Variants in GALNT10 observed in about 807,000 individuals in gnomAD.
GALNT10 encodes GalNAc transferase 10.
In GALNT10, 41 loss-of-function variants were observed where a neutral mutation model predicts 75.0. The ratio of observed to expected loss-of-function variants is 0.55; its 90% confidence interval spans 0.43 to 0.71. GALNT10 has a LOEUF of 0.71. Among genes scored for constraint, GALNT10 ranks in the 30% least tolerant of loss-of-function variants. GALNT10 has a pLI of 0.00. For missense variants in GALNT10, 727 were observed against 818.5 expected (o/e 0.89, Z 1.36); for synonymous variants, 302 against 313.0 (o/e 0.96, Z 0.37).
At position 154,409,542 on chromosome 5, in the gene GALNT10, A is replaced by C. The variant is rs1756351233; in HGVS notation, c.1166A>C (p.Asn389Thr). The change falls in exon 9 of 12, where the codon AAC becomes ACC. Residue 389 changes from asparagine to threonine, a missense_variant and splice_region_variant. Asn to Thr is a moderately conservative substitution (Grantham distance 65). Coordinates refer to ENST00000297107, the MANE Select transcript of GALNT10 (RefSeq NM_198321.4). The surrounding 1 kb of genome is among the most constrained non-coding windows in gnomAD (Gnocchi z 4.5). ...KVPAGVSLARNLKRVAEVWMD... is the reference protein window; with the variant it reads ...KVPAGVSLARTLKRVAEVWMD... ...CCTCCATTGCTTCTTGCCCCATAGA[A>C]CCTTAAGCGGGTGGCCGAAGTGTGG... 6.2e-7 allele frequency: 1 copy of C among 1,608,708 alleles called. No homozygotes were observed. The highest frequency in any genetic ancestry group is 8.5e-7 in the Non-Finnish European group (1 of 1,175,194).
chr5:154,367,628 G>A (rs1242194297), intron 4 of GALNT10, among the ~76,000 whole-genome samples: 1 of 152,168 alleles, frequency 6.6e-6, no homozygotes, highest in Non-Finnish European at 1.5e-5. Context: ...GCCGAGGTGG[G>A]CGGATCATGA....
intron 3 of GALNT10, among the ~76,000 whole-genome samples, chr5:154,327,679 C>A (rs1561662072): frequency 2.0e-5 from 3 of 152,212 alleles, no homozygotes; most frequent in African/African-American, 7.2e-5. Context: ...CTTACCCTGC[C>A]TTTCCTATAC....
At chr5:154,201,799 C>T (rs1775031905) in intron 1 of GALNT10, among the ~76,000 whole-genome samples, 1 of 152,096 alleles carries the variant, frequency 6.6e-6, no homozygotes, top group African/African-American at 2.4e-5. Context: ...TGTAGTGGCG[C>T]ACTCCTGTAA....
At chr5:154,316,947 G>T (rs1200690704) in intron 3 of GALNT10, among the ~76,000 whole-genome samples, 3 of 152,158 alleles carry the variant, frequency 2.0e-5, no homozygotes, top group East Asian at 1.9e-4. Context: ...GCTGTGAGTT[G>T]TCCTCCACAT....
rs1226347674 is a variant in GALNT10 at position 154,409,527 on chromosome 5, T to A, written c.1165-14T>A. 5.7e-6 allele frequency: 9 copies of A among 1,581,414 alleles called. No individual in the cohort carries two copies. ...TTGGAAAGACTGACCCCTCCATTGCTTCTTGCCCCATAGAACCTTAAGCGG... is the reference window on the plus strand; with the variant it reads ...TTGGAAAGACTGACCCCTCCATTGCATCTTGCCCCATAGAACCTTAAGCGG... On this transcript the variant is annotated splice_polypyrimidine_tract_variant and intron_variant, in intron 8 of 11. Coordinates refer to ENST00000297107, the MANE Select transcript of GALNT10 (RefSeq NM_198321.4). The surrounding 1 kb of genome is among the most constrained non-coding windows in gnomAD (Gnocchi z 4.5).
chr5:154,270,580 C>T (rs771864455), intron 1 of GALNT10, among the ~76,000 whole-genome samples: 1 of 152,228 alleles, frequency 6.6e-6, no homozygotes, highest in Non-Finnish European at 1.5e-5. Context: ...CGTTACAAAA[C>T]GCTTTCCTAT....
chr5:154,236,868 C>T (rs1286651697), intron 1 of GALNT10, among the ~76,000 whole-genome samples: 1 of 152,186 alleles, frequency 6.6e-6, no homozygotes, highest in Non-Finnish European at 1.5e-5. Context: ...AGCCAGGCTG[C>T]GCTGTGCCCT....
chr5:154,353,370 C>T (rs78647417), intron 4 of GALNT10, among the ~76,000 whole-genome samples: 3,165 of 152,294 alleles, frequency 0.021, 117 homozygotes, highest in African/African-American at 0.073. Flanking sequence ...AAGCTTCTCA[C>T]AGGGGAAACA....
At chr5:154,293,614 T>TATATATATA (rs60780135) in intron 1 of GALNT10, among the ~76,000 whole-genome samples, 2 of 106,408 alleles carry the variant, frequency 1.9e-5, no homozygotes, top group African/African-American at 8.3e-5. Flanking sequence ...TATATATATA[T>TATATATATA]TTTTTTTTTC....
intron 1 of GALNT10, among the ~76,000 whole-genome samples, chr5:154,273,449 G>C (rs1753901138): frequency 6.6e-6 from 1 of 152,188 alleles, no homozygotes; most frequent in South Asian, 2.1e-4. Context: ...ACTGGGGAGA[G>C]AGTTTGCAAT....
At chr5:154,345,489 C>T (rs1371136599) in intron 4 of GALNT10, among the ~76,000 whole-genome samples, 1 of 152,118 alleles carries the variant, frequency 6.6e-6, no homozygotes, top group Non-Finnish European at 1.5e-5. Context: ...CCATTCTGCT[C>T]TGTAACTATG....
intron 1 of GALNT10, among the ~76,000 whole-genome samples, chr5:154,235,089 A>G (rs1753224592): frequency 1.3e-5 from 2 of 152,230 alleles, no homozygotes; most frequent in South Asian, 2.1e-4. Flanking sequence ...CCCAAAGGAA[A>G]GAAATCTGTG....
chr5:154,390,018 A>G (rs754690526), intron 7 of GALNT10, among the ~76,000 whole-genome samples: 15 of 152,218 alleles, frequency 9.9e-5, no homozygotes, highest in Non-Finnish European at 2.1e-4. Context: ...TGATACAACT[A>G]CAACTAAAAA....
At chr5:154,204,561 C>T (rs1443678488) in intron 1 of GALNT10, among the ~76,000 whole-genome samples, 2 of 152,224 alleles carry the variant, frequency 1.3e-5, no homozygotes, top group Non-Finnish European at 2.9e-5. Context: ...GTGTCTCCTC[C>T]TCTCAGTCAC....
chr5:154,274,800 G>T (rs1753924848), intron 1 of GALNT10, among the ~76,000 whole-genome samples: 1 of 152,166 alleles, frequency 6.6e-6, no homozygotes, highest in African/African-American at 2.4e-5. Flanking sequence ...TTTTCCAGCT[G>T]CTCTTTGAAA....
At chr5:154,313,208 G>C (rs1057154650) in intron 3 of GALNT10, among the ~76,000 whole-genome samples, 1 of 151,846 alleles carries the variant, frequency 6.6e-6, no homozygotes, top group Admixed American at 6.6e-5. Flanking sequence ...TACTTAGGAA[G>C]CTGAGGCAGG....
chr5:154,197,717 A>C (rs1196186223), intron 1 of GALNT10, among the ~76,000 whole-genome samples: 1 of 152,196 alleles, frequency 6.6e-6, no homozygotes, highest in Non-Finnish European at 1.5e-5. Context: ...TGAGGTTGAT[A>C]ATGTTAATAG....
At chr5:154,231,094 C>T (rs943291781) in intron 1 of GALNT10, among the ~76,000 whole-genome samples, 4 of 152,150 alleles carry the variant, frequency 2.6e-5, no homozygotes, top group African/African-American at 9.7e-5. Context: ...GAGAAATAGG[C>T]TAGAGCTGTG....
intron 1 of GALNT10, among the ~76,000 whole-genome samples, chr5:154,275,365 G>A (rs551406939): frequency 6.6e-6 from 1 of 152,156 alleles, no homozygotes; most frequent in Non-Finnish European, 1.5e-5. Flanking sequence ...GTTTGATATT[G>A]CCATGACAGC....
Sources: gnomAD v4.1 joint callset for allele counts (sites outside exome capture counted in the v4.1 genomes callset) on GRCh38, gnomAD v4.1.1 for gene constraint, Gnocchi (gnomAD v3.1) non-coding constraint, MANE v1.5 for transcripts, NCBI Gene and HGNC (gene_info 2026-07-23, HGNC 2026-07-21) for gene names.